FNDC3B: variants seen among roughly 807,000 people sequenced by gnomAD.
FNDC3B encodes the protein fibronectin type III domain containing 3B.
FNDC3B carries 12 observed loss-of-function variants against 151.5 expected under a neutral mutation model. The observed-to-expected ratio is 0.08, with a 90% CI of 0.05 to 0.13. The LOEUF (loss-of-function observed/expected upper bound fraction) is 0.13. Among genes scored for constraint, FNDC3B ranks in the 10% least tolerant of loss-of-function variants. FNDC3B has a pLI of 1.00. For synonymous variants in FNDC3B, 528 were observed against 549.0 expected, an observed-to-expected ratio of 0.96 and a Z score of 0.54; for missense variants, 1,214 against 1,505.3, an observed-to-expected ratio of 0.81 and a Z score of 3.20.
At chr3:172,369,759 G>T (rs1233205710) in intron 23 of FNDC3B, among the ~76,000 whole-genome samples, 1 of 152,100 alleles carries the variant, frequency 6.6e-6, no homozygotes, top group East Asian at 1.9e-4. Flanking sequence ...CCTGCCTCAG[G>T]TGTCCCCACA....
At chr3:172,362,239 G>T (rs756584059) in intron 22 of FNDC3B, among the ~76,000 whole-genome samples, 5 of 152,150 alleles carry the variant, frequency 3.3e-5, no homozygotes, top group Non-Finnish European at 7.3e-5. Flanking sequence ...CTCTGAAGGA[G>T]ACTCATTTGT....
chr3:172,307,843 G>A (rs1278110411), intron 10 of FNDC3B, among the ~76,000 whole-genome samples: 1 of 152,202 alleles, frequency 6.6e-6, no homozygotes, highest in South Asian at 2.1e-4. Context: ...AGGGGTGGGA[G>A]GAGGGAACTG....
intron 1 of FNDC3B, among the ~76,000 whole-genome samples, chr3:172,045,428 A>G (rs1716314267): frequency 6.6e-6 from 1 of 152,166 alleles, no homozygotes; most frequent in African/African-American, 2.4e-5. Flanking sequence ...GGTGGCGGGA[A>G]AAAGTGCAGT....
chr3:172,214,014 C>T (rs1339790989), intron 3 of FNDC3B, among the ~76,000 whole-genome samples: 1 of 146,556 alleles, frequency 6.8e-6, no homozygotes, highest in Admixed American at 6.8e-5. Context: ...GGTGCCGCGC[C>T]ATAAAGCAGT....
chr3:172,308,526 T>C (rs2108246831), intron 10 of FNDC3B, among the ~76,000 whole-genome samples: 1 of 152,358 alleles, frequency 6.6e-6, no homozygotes, highest in African/African-American at 2.4e-5. Context: ...TTTTCATTTC[T>C]GGCCCAGAGA....
chr3:172,298,742 A>G lies in FNDC3B; in HGVS notation c.1016A>G (p.Glu339Gly). ...TTTCTTTACAGTGGAGAAGAATTAG[A>G]ATGTAACCTGAAAGATCTTAGACCA... ...YKIIYSGEEL[E>G]CNLKDLRPAT... is the part of the protein sequence containing the mutation. The change falls in exon 9 of 26, where the codon GAA becomes GGA. Residue 339 changes from glutamate (E) to glycine (G), a missense_variant. By Grantham distance (98) the Glu-to-Gly change is moderately conservative. Coordinates refer to ENST00000415807, the MANE Select transcript of FNDC3B (RefSeq NM_022763.4). The G allele has an allele frequency of 6.2e-7, 1 of 1,607,866 alleles. No homozygotes were observed. The highest frequency in any genetic ancestry group is 8.5e-7 in the Non-Finnish European group (1 of 1,177,424).
At position 172,040,229 on chromosome 3, in the gene FNDC3B, C is replaced by G. The variant is rs941119541; in HGVS notation, c.-29+458C>G. 1.3e-5 allele frequency among the ~76,000 whole-genome samples: 2 copies of G among 152,078 alleles called. No individual in the cohort carries two copies. Among genetic ancestry groups the G allele is most frequent in the Non-Finnish European group, 2.9e-5 (2 of 68,014 alleles). ...GGCGGCGAGGCCGAGGAATCTTCGA[C>G]GTGTCACTTTCTGAGGCTGTAGATT... On this transcript the variant is annotated intron_variant, in intron 1 of 25. Coordinates refer to ENST00000415807, the MANE Select transcript of FNDC3B (RefSeq NM_022763.4). The surrounding 1 kb of genome is among the most constrained non-coding windows in gnomAD (Gnocchi z 6.6).
At position 172,262,101 on chromosome 3, in the gene FNDC3B, A is replaced by C. The variant is rs181642019; in HGVS notation, c.790+10560A>C. Reference sequence around the variant, plus strand: ...AGGAAGTGGTAAGAACAGGAAAACAAGTGGAATGAAAGGAGCACACAGTGG... The same window carrying C: ...AGGAAGTGGTAAGAACAGGAAAACACGTGGAATGAAAGGAGCACACAGTGG... On this transcript the variant is annotated intron_variant, in intron 6 of 25. Coordinates refer to ENST00000415807, the MANE Select transcript of FNDC3B (RefSeq NM_022763.4). 7.2e-5 allele frequency among the ~76,000 whole-genome samples: 11 copies of C among 152,364 alleles called. No individual in the cohort carries two copies. In the East Asian group the frequency reaches 2.1e-3, roughly 29 times the overall value.
intron 8 of FNDC3B, among the ~76,000 whole-genome samples, chr3:172,297,065 G>GA (rs1482767959): frequency 6.6e-6 from 1 of 152,168 alleles, no homozygotes; most frequent in African/African-American, 2.4e-5. Flanking sequence ...GTGAACAGGA[G>GA]AGCTCCTGTT....
At chr3:172,219,613 G>GCAAA (rs1342491949) in intron 3 of FNDC3B, among the ~76,000 whole-genome samples, 6 of 152,166 alleles carry the variant, frequency 3.9e-5, no homozygotes, top group Non-Finnish European at 7.3e-5. Context: ...CCTCAGTCCT[G>GCAAA]CAAACCTTCC....
intron 1 of FNDC3B, among the ~76,000 whole-genome samples, chr3:172,087,540 C>G (rs948887698): frequency 6.6e-6 from 1 of 152,000 alleles, no homozygotes; most frequent in Non-Finnish European, 1.5e-5. Flanking sequence ...ATTTGAGAAG[C>G]AAGAGACCTT....
chr3:172,373,947 A>G (rs751060656), intron 23 of FNDC3B, among the ~76,000 whole-genome samples: 12 of 152,358 alleles, frequency 7.9e-5, no homozygotes, highest in Non-Finnish European at 1.3e-4. Flanking sequence ...GGGGAACCAG[A>G]CATTACTGTC....
chr3:172,176,272 A>C (rs899955221), intron 3 of FNDC3B, among the ~76,000 whole-genome samples: 3 of 152,248 alleles, frequency 2.0e-5, no homozygotes, highest in Non-Finnish European at 4.4e-5. Flanking sequence ...GATTACAACC[A>C]GCAAATTTTA....
In FNDC3B at chr3:172,247,547, T is replaced by C; in HGVS notation, c.279T>C (p.Ser93=). Residue 93 remains serine, a synonymous_variant, in exon 5 of 26, where the codon AGT becomes AGC. Coordinates refer to ENST00000415807, the MANE Select transcript of FNDC3B (RefSeq NM_022763.4). ...TTTTTCTTTAGGTGATTGAAGATAG[T>C]ACTGGAGTCCGCCGGGTGGTGGTCA... The part of the protein sequence containing the change: ...PGYISQVIED[S]TGVRRVVVTP... 1 of 1,614,104 alleles carries C rather than the reference T, an allele frequency of 6.2e-7. No homozygotes were observed. Among genetic ancestry groups the C allele is most frequent in the Middle Eastern group, 1.6e-4 (1 of 6,062 alleles).
chr3:172,065,925 T>C (rs1717475068), intron 1 of FNDC3B, among the ~76,000 whole-genome samples: 1 of 152,214 alleles, frequency 6.6e-6, no homozygotes, highest in Non-Finnish European at 1.5e-5. Flanking sequence ...AATACTGTTG[T>C]TCTTGGTGAT....
intron 6 of FNDC3B, among the ~76,000 whole-genome samples, chr3:172,259,915 T>C (rs554379622): frequency 6.6e-6 from 1 of 152,382 alleles, no homozygotes; most frequent in African/African-American, 2.4e-5. Flanking sequence ...TTCACTTGCA[T>C]ATAAAGACAA....
intron 9 of FNDC3B, among the ~76,000 whole-genome samples, chr3:172,299,783 G>T (rs944127706): frequency 6.6e-6 from 1 of 152,100 alleles, no homozygotes; most frequent in African/African-American, 2.4e-5. Flanking sequence ...TAGGAAGAGC[G>T]TATATGAATT....
chr3:172,233,523 G>A (rs2108750858), intron 4 of FNDC3B, among the ~76,000 whole-genome samples: 1 of 152,320 alleles, frequency 6.6e-6, no homozygotes, highest in Middle Eastern at 3.4e-3. Flanking sequence ...TGGCCAGAAA[G>A]CAGACACCTC....
At chr3:172,284,969 A>T (rs1729934564) in intron 6 of FNDC3B, among the ~76,000 whole-genome samples, 1 of 151,804 alleles carries the variant, frequency 6.6e-6, no homozygotes, top group Non-Finnish European at 1.5e-5. Context: ...ATCCTCTAAC[A>T]AGTTGCAGAT....
Sources: gnomAD v4.1 joint callset for allele counts (sites outside exome capture counted in the v4.1 genomes callset) on GRCh38, gnomAD v4.1.1 for gene constraint, Gnocchi (gnomAD v3.1) non-coding constraint, MANE v1.5 for transcripts, NCBI Gene and HGNC (gene_info 2026-07-23, HGNC 2026-07-21) for gene names.